Variants in DRC11 observed in about 807,000 individuals in gnomAD.
The protein encoded by DRC11 is IQ and AAA domain-containing protein 1.
At chr2:236,473,142 G>T in the DRC11 span, among the ~76,000 whole-genome samples, 1 of 152,152 alleles carries the variant, frequency 6.6e-6, no homozygotes, top group Non-Finnish European at 1.5e-5. The surrounding 1 kb of genome is among the most constrained non-coding windows in gnomAD (Gnocchi z 4.8). Context: ...TAATGCACAT[G>T]ACCAAGCTAG....
the DRC11 span, among the ~76,000 whole-genome samples, chr2:236,363,581 T>C: frequency 3.8e-4 from 58 of 152,240 alleles, no homozygotes; most frequent in African/African-American, 1.4e-3. The surrounding 1 kb of genome is among the most constrained non-coding windows in gnomAD (Gnocchi z 5.6). Context: ...GATGGCACAG[T>C]AGGGTGCTTA....
chr2:236,465,629 T>G, the DRC11 span: 1 of 1,613,908 alleles, frequency 6.2e-7, no homozygotes, highest in South Asian at 1.1e-5. The surrounding 1 kb of genome is among the most constrained non-coding windows in gnomAD (Gnocchi z 6.2). Flanking sequence ...TCATGCTTTA[T>G]CTGCACCTCA....
the DRC11 span, among the ~76,000 whole-genome samples, chr2:236,488,669 C>T: frequency 3.9e-5 from 6 of 152,268 alleles, no homozygotes; most frequent in East Asian, 3.9e-4. Flanking sequence ...CAACTAATAT[C>T]GAAATCATTT....
the DRC11 span, among the ~76,000 whole-genome samples, chr2:236,381,639 C>T: frequency 1.3e-5 from 2 of 152,270 alleles, no homozygotes; most frequent in Non-Finnish European, 2.9e-5. The surrounding 1 kb of genome is among the most constrained non-coding windows in gnomAD (Gnocchi z 5.8). Flanking sequence ...CAACAGTCTA[C>T]CTCTAGTTCC....
chr2:236,408,436 T>A, the DRC11 span: 1 of 740,460 alleles, frequency 1.4e-6, no homozygotes, highest in Non-Finnish European at 2.5e-6. This position sits in a 1 kb window ranked among gnomAD's most constrained non-coding sequence, Gnocchi z 5.5. Flanking sequence ...CATCTCATCC[T>A]GCCCAAACAC....
chr2:236,465,448 A>G, the DRC11 span: 1 of 1,450,148 alleles, frequency 6.9e-7, no homozygotes, highest in East Asian at 2.3e-5. The surrounding 1 kb of genome is among the most constrained non-coding windows in gnomAD (Gnocchi z 6.2). Flanking sequence ...AAAAACATAC[A>G]ATAACCTCAG....
At chr2:236,390,838 C>T in the DRC11 span, among the ~76,000 whole-genome samples, 2 of 152,150 alleles carry the variant, frequency 1.3e-5, no homozygotes, top group African/African-American at 4.8e-5. This position sits in a 1 kb window ranked among gnomAD's most constrained non-coding sequence, Gnocchi z 5.9. Flanking sequence ...TTGTGGGAGG[C>T]CCATGGTACT....
At chr2:236,396,302 C>CCGG in the DRC11 span, among the ~76,000 whole-genome samples, 1 of 60,256 alleles carries the variant, frequency 1.7e-5, no homozygotes, top group Non-Finnish European at 3.1e-5. Flanking sequence ...GAAAGAGGGG[C>CCGG]GGGGGGGGGT....
chr2:236,406,049 G>T, the DRC11 span, among the ~76,000 whole-genome samples: 2 of 152,148 alleles, frequency 1.3e-5, no homozygotes, highest in African/African-American at 2.4e-5. The surrounding 1 kb of genome is among the most constrained non-coding windows in gnomAD (Gnocchi z 4.7). Context: ...ACCATTTTTC[G>T]TAAGTTTCCG....
chr2:236,423,932 T>C, the DRC11 span, among the ~76,000 whole-genome samples: 9 of 152,070 alleles, frequency 5.9e-5, no homozygotes, highest in East Asian at 9.7e-4. Context: ...ACCATCATTC[T>C]GCGCAAACTA....
At chr2:236,369,381 G>A in the DRC11 span, among the ~76,000 whole-genome samples, 1 of 152,122 alleles carries the variant, frequency 6.6e-6, no homozygotes, top group African/African-American at 2.4e-5. This position sits in a 1 kb window ranked among gnomAD's most constrained non-coding sequence, Gnocchi z 4.5. Context: ...GTATTGGTTG[G>A]GAGAATGAGT....
At chr2:236,474,674 T>A in the DRC11 span, among the ~76,000 whole-genome samples, 1 of 152,156 alleles carries the variant, frequency 6.6e-6, no homozygotes, top group Non-Finnish European at 1.5e-5. Context: ...TCTATATCCA[T>A]GTGTATTTTA....
the DRC11 span, among the ~76,000 whole-genome samples, chr2:236,329,230 C>T: frequency 3.3e-4 from 50 of 152,230 alleles, no homozygotes; most frequent in African/African-American, 1.1e-3. Flanking sequence ...AGCAGGCTTA[C>T]TCCATCGGCA....
At chr2:236,499,408 C>T in the DRC11 span, among the ~76,000 whole-genome samples, 104 of 152,238 alleles carry the variant, frequency 6.8e-4, no homozygotes, top group African/African-American at 2.5e-3. The surrounding 1 kb of genome is among the most constrained non-coding windows in gnomAD (Gnocchi z 4.7). Context: ...CCCTCTCATC[C>T]ATGCCTGCTC....
chr2:236,375,646 T>A, the DRC11 span, among the ~76,000 whole-genome samples: 10 of 152,320 alleles, frequency 6.6e-5, no homozygotes, highest in African/African-American at 2.4e-4. The surrounding 1 kb of genome is among the most constrained non-coding windows in gnomAD (Gnocchi z 4.2). Flanking sequence ...GGGATTAAAA[T>A]AACCACCCTT....
chr2:236,451,364 T>C, the DRC11 span, among the ~76,000 whole-genome samples: 1 of 149,530 alleles, frequency 6.7e-6, no homozygotes, highest in Admixed American at 6.6e-5. Context: ...ACACTTTACA[T>C]ATATATATAT....
At chr2:236,362,038 TAATC>T in the DRC11 span, among the ~76,000 whole-genome samples, 7 of 152,204 alleles carry the variant, frequency 4.6e-5, no homozygotes, top group African/African-American at 1.4e-4. This position sits in a 1 kb window ranked among gnomAD's most constrained non-coding sequence, Gnocchi z 5.7. Flanking sequence ...AATGATAAAA[TAATC>T]AACCAGGAAG....
chr2:236,465,487 G>A, the DRC11 span: 53 of 1,605,644 alleles, frequency 3.3e-5, no homozygotes, highest in South Asian at 3.1e-4. This position sits in a 1 kb window ranked among gnomAD's most constrained non-coding sequence, Gnocchi z 6.2. Context: ...GATATGTCAC[G>A]ATGTAGCTCA....
At chr2:236,391,584 C>A in the DRC11 span, 1 of 201,614 alleles carries the variant, frequency 5.0e-6, no homozygotes, top group Non-Finnish European at 1.0e-5. This position sits in a 1 kb window ranked among gnomAD's most constrained non-coding sequence, Gnocchi z 4.5. Flanking sequence ...CAATTCCTTT[C>A]CCTATGATTC....
Sources: allele counts gnomAD v4.1 joint callset (sites outside exome capture counted in the v4.1 genomes callset), GRCh38; gene constraint gnomAD v4.1.1; non-coding constraint Gnocchi (gnomAD v3.1); transcripts MANE v1.5; gene names NCBI Gene and HGNC (gene_info 2026-07-23, HGNC 2026-07-21).